ATAD3A: variants seen among roughly 807,000 people sequenced by gnomAD.
ATAD3A encodes ATPase family AAA domain containing 3A, also known as ATPase family AAA domain-containing protein 3A.
A neutral mutation model predicts 73.8 loss-of-function variants in ATAD3A; 46 were observed. That is an observed-to-expected ratio of 0.62 (90% CI 0.49 to 0.80). The LOEUF is 0.80. ATAD3A is among the 30% of genes least tolerant of loss of function. The pLI, the probability that ATAD3A is intolerant of heterozygous loss-of-function variation, is 0.00. For synonymous variants in ATAD3A, 319 were observed against 350.0 expected (o/e 0.91, Z 0.99); for missense variants, 705 against 838.0 (o/e 0.84, Z 1.96).
chr1:1,514,496 G>A (rs1364678679), intron 1 of ATAD3A, among the ~76,000 whole-genome samples: 2 of 152,206 alleles, frequency 1.3e-5, no homozygotes, highest in Non-Finnish European at 2.9e-5. Context: ...GGTCTCATCT[G>A]TGCTCTGTTC....
chr1:1,523,716 C>T lies in ATAD3A; in HGVS notation c.964-123C>T. ...TTGGACCGTGCTGGGGATAGATAGG[C>T]TGCCCCTGAGGTGGGAGGCTTCCCG... On this transcript the variant is annotated intron_variant, in intron 9 of 15. Coordinates refer to ENST00000378756, the MANE Select transcript of ATAD3A (RefSeq NM_001170535.3). This position sits in a 1 kb window ranked among gnomAD's most constrained non-coding sequence, Gnocchi z 5.1. 6.3e-7 allele frequency: 1 copy of T among 1,586,446 alleles called. No individual in the cohort carries two copies. The highest frequency in any genetic ancestry group is 8.6e-7 in the Non-Finnish European group (1 of 1,164,478).
chr1:1,528,177 C>T (rs1269540743), intron 14 of ATAD3A, among the ~76,000 whole-genome samples: 1 of 151,986 alleles, frequency 6.6e-6, no homozygotes, highest in Non-Finnish European at 1.5e-5. Flanking sequence ...TGGCCAGGTT[C>T]GTCTCAAACT....
At chr1:1,529,389 C>T in intron 15 of ATAD3A, 58 bp downstream of exon 15, 5 of 1,512,930 alleles carry the variant, frequency 3.3e-6, no homozygotes, top group Non-Finnish European at 3.6e-6. Context: ...TGGAGATGCT[C>T]AGTTGCGCCA....
At chr1:1,526,599 G>A (rs1316447528) in intron 13 of ATAD3A, 68 bp downstream of exon 13, 44 of 1,607,788 alleles carry the variant, frequency 2.7e-5, no homozygotes, top group Admixed American at 3.4e-5. Flanking sequence ...GGTTCCCACC[G>A]AGGGACCTGA....
intron 4 of ATAD3A, 115 bp from the exon 5 acceptor site, chr1:1,518,806 C>T: frequency 1.3e-6 from 2 of 1,593,152 alleles, no homozygotes; most frequent in Non-Finnish European, 1.7e-6. Context: ...CACCGTCACA[C>T]CCCGCAAACG....
intron 14 of ATAD3A, 100 bp downstream of exon 14, chr1:1,527,962 T>G: frequency 1.7e-6 from 2 of 1,156,508 alleles, no homozygotes; most frequent in Non-Finnish European, 2.3e-6. Flanking sequence ...ACATTCCTTT[T>G]TTTTTTTTTT....
chr1:1,525,347 T>A (rs1641770296), intron 12 of ATAD3A, 56 bp downstream of exon 12: 3 of 1,602,324 alleles, frequency 1.9e-6, no homozygotes, highest in African/African-American at 1.3e-5. Flanking sequence ...CACAGCCGTC[T>A]GCCTGGGCCA....
intron 15 of ATAD3A, among the ~76,000 whole-genome samples, chr1:1,531,690 A>G (rs1642040268): frequency 6.6e-6 from 1 of 151,306 alleles, no homozygotes; most frequent in Non-Finnish European, 1.5e-5. Flanking sequence ...AGGCAGGAGA[A>G]TGGCATGAAC....
intron 15 of ATAD3A, among the ~76,000 whole-genome samples, chr1:1,529,825 T>C (rs773384151): frequency 3.0e-4 from 46 of 152,328 alleles, no homozygotes; most frequent in Non-Finnish European, 6.3e-4. Context: ...ACACCCCTCC[T>C]GCAGCTCCGT....
chr1:1,525,227 C>T lies in ATAD3A; in HGVS notation c.1215-13C>T, dbSNP rs756351187. On this transcript the variant is annotated splice_polypyrimidine_tract_variant and intron_variant, in intron 11 of 15. Transcript: ENST00000378756. ...GTCACTCTCGCCCTGCTTGGCCTCC[C>T]TCTCGTTCACAGCCTCCTGCTCTTT... The T allele has an allele frequency of 6.2e-7, 1 of 1,613,772 alleles. No individual in the cohort carries two copies.
At position 1,517,326 on chromosome 1, in the gene ATAD3A, G is replaced by A. The variant is rs200230792; in HGVS notation, c.298G>A (p.Val100Met). 1.1e-3 allele frequency: 1,664 copies of A among 1,545,556 alleles called. 11 individuals carry two copies. Among genetic ancestry groups the A allele is most frequent in the Non-Finnish European group, 7.8e-4 (893 of 1,146,508 alleles). ...QSKLKEYEAA[V>M]EQLKSEQIRA... is the part of the protein sequence containing the mutation. ...TGCTCTGCAGGAGTATGAGGCCGCCGTGGAGCAGCTCAAGAGCGAGCAGAT... is the reference window on the plus strand; with the variant it reads ...TGCTCTGCAGGAGTATGAGGCCGCCATGGAGCAGCTCAAGAGCGAGCAGAT... The change falls in exon 3 of 16, where the codon GTG (valine) becomes ATG (methionine). Residue 100 changes from valine (V) to methionine (M), a missense_variant. Coordinates refer to ENST00000378756, the MANE Select transcript of ATAD3A (RefSeq NM_001170535.3).
At position 1,529,305 on chromosome 1, in the gene ATAD3A, A is replaced by T. The variant is rs766623034; in HGVS notation, c.1588A>T (p.Ile530Phe). 1.4e-5 allele frequency: 23 copies of T among 1,600,338 alleles called. No individual in the cohort carries two copies. Among genetic ancestry groups the T allele is most frequent in the Non-Finnish European group, 1.9e-5 (22 of 1,174,674 alleles). ...RLTEGMSGRE[I>F]AQLAVSWQAT... Reference sequence around the variant, plus strand: ...GACGGAGGGCATGTCGGGCCGGGAGATCGCTCAGCTGGCCGTGTCCTGGCA... The same window carrying T: ...GACGGAGGGCATGTCGGGCCGGGAGTTCGCTCAGCTGGCCGTGTCCTGGCA... Residue 530 changes from isoleucine (I) to phenylalanine (F), a missense_variant, in exon 15 of 16, where the codon ATC (isoleucine) becomes TTC (phenylalanine). By Grantham distance (21) the Ile-to-Phe change is conservative (BLOSUM62 0). Coordinates refer to ENST00000378756, the MANE Select transcript of ATAD3A (RefSeq NM_001170535.3).
At position 1,525,175 on chromosome 1, in the gene ATAD3A, C is replaced by T. The variant is rs1425909498; in HGVS notation, c.1215-65C>T. On this transcript the variant is annotated intron_variant, in intron 11 of 15. Coordinates refer to ENST00000378756, the MANE Select transcript of ATAD3A (RefSeq NM_001170535.3). ...CTGCTTGGCCTGCTCCTGCCGCGGC[C>T]GGACGCTGCTGTGGGCTGCTCCTGG... The T allele has an allele frequency of 4.8e-5, 77 of 1,607,906 alleles. 1 individual carries two copies. The highest frequency in any genetic ancestry group is 4.1e-4 in the Middle Eastern group (2 of 4,888).
rs760406057 is a variant in ATAD3A, at chr1:1,520,202, G to A, written c.576G>A (p.Glu192=). 4 of 1,612,054 alleles carry A rather than the reference G, an allele frequency of 2.5e-6. No homozygotes were observed. In the South Asian group the frequency reaches 3.3e-5, roughly 13 times the overall value. ...ATGAGATGCTGCGAGTGGAGGCCGA[G>A]GCCCGGGCGCGCGCCAAGGCCGAGC... is the stretch of plus-strand genomic sequence containing the variant. ...HKNEMLRVEA[E]ARARAKAERE... Residue 192 remains glutamate (E), a synonymous_variant, in exon 6 of 16, where the codon GAG becomes GAA. Coordinates refer to ENST00000378756, the MANE Select transcript of ATAD3A (RefSeq NM_001170535.3). The surrounding 1 kb of genome is among the most constrained non-coding windows in gnomAD (Gnocchi z 4.0).
In ATAD3A at chr1:1,522,365, T is replaced by G. The variant is rs1480509965; in HGVS notation, c.751-379T>G. Among the ~76,000 whole-genome samples the G allele has an allele frequency of 3.3e-5, 5 of 152,054 alleles. No homozygotes were observed. In the East Asian group the frequency reaches 9.7e-4, roughly 29 times the overall value. On this transcript the variant is annotated intron_variant, in intron 7 of 15. Coordinates refer to ENST00000378756, the MANE Select transcript of ATAD3A (RefSeq NM_001170535.3). ...CAGCCTAATTGATTTTTAAAACGAG[T>G]TAGAGATTTTGGGTTAGTCTTGTTT...
rs533917101 is a variant in ATAD3A, at chr1:1,523,483, G to T, written c.907-28G>T. The T allele has an allele frequency of 1.4e-4, 226 of 1,606,572 alleles. No homozygotes were observed. Among genetic ancestry groups the T allele is most frequent in the Non-Finnish European group, 1.8e-4 (217 of 1,177,196 alleles). On this transcript the variant is annotated intron_variant, in intron 8 of 15. Transcript: ENST00000378756. The surrounding 1 kb of genome is among the most constrained non-coding windows in gnomAD (Gnocchi z 5.1). Reference sequence around the variant, plus strand: ...GTTCCGTGGCTGTGGCAGGTGACCCGATGGCGCTTCCCCTTCCCCTCCGGC... The same window carrying T: ...GTTCCGTGGCTGTGGCAGGTGACCCTATGGCGCTTCCCCTTCCCCTCCGGC...
At chr1:1,517,567 C>T in intron 3 of ATAD3A, 149 bp from the exon 4 acceptor site, 3 of 775,998 alleles carry the variant, frequency 3.9e-6, no homozygotes, top group Middle Eastern at 3.7e-4. Context: ...CCTGTAAGGT[C>T]CCTCACTGCT....
In ATAD3A at chr1:1,523,854, C is replaced by A. The variant is rs747533461; in HGVS notation, c.979C>A (p.Arg327=). 2.5e-6 allele frequency: 4 copies of A among 1,613,974 alleles called. No homozygotes were observed. In the Admixed American group the frequency reaches 5.0e-5, roughly 20 times the overall value. Residue 327 remains arginine, a synonymous_variant, in exon 10 of 16, where the codon CGG becomes AGG. Transcript: ENST00000378756. The surrounding 1 kb of genome is among the most constrained non-coding windows in gnomAD (Gnocchi z 5.1). ...GVVLSPSLEA[R]VRDIAIATRN... ...TCCCCGGCAGCCCAGCCTGGAAGCA[C>A]GGGTGCGCGACATCGCCATAGCAAC... is the stretch of plus-strand genomic sequence containing the variant.
chr1:1,530,847 AAAAAAAAACT>A (rs1642009625), intron 15 of ATAD3A, among the ~76,000 whole-genome samples: 4 of 98,900 alleles, frequency 4.0e-5, no homozygotes, highest in Non-Finnish European at 6.3e-5. Context: ...AAAAAAAAAA[AAAAAAAAACT>A]AAGAATAATT....
Sources: allele counts gnomAD v4.1 joint callset (sites outside exome capture counted in the v4.1 genomes callset), GRCh38; gene constraint gnomAD v4.1.1; non-coding constraint Gnocchi (gnomAD v3.1); transcripts MANE v1.5; gene names NCBI Gene and HGNC (gene_info 2026-07-23, HGNC 2026-07-21).